GPANK1: variants seen among roughly 807,000 people sequenced by gnomAD.
GPANK1 encodes the protein G-patch domain and ankyrin repeats 1.
Under a neutral mutation model 24.0 loss-of-function variants are expected in GPANK1, and 22 were observed. The observed-to-expected ratio is 0.92, with a 90% confidence interval of 0.66 to 1.31. GPANK1 has a LOEUF of 1.31. Ranked by LOEUF, GPANK1 falls within the 50% of genes most tolerant of loss-of-function variation. The pLI is 0.00. For missense variants in GPANK1, 469 were observed against 453.5 expected (o/e 1.03, Z -0.31); for synonymous variants, 174 against 177.4 (o/e 0.98, Z 0.15).
At chr6:31,666,142 G>T, upstream of GPANK1, 6 of 991,214 alleles carry the variant, frequency 6.1e-6, no homozygotes, top group Non-Finnish European at 7.2e-6. Context: ...GCGCTGTAGC[G>T]GTCGCCGCCG....
chr6:31,664,734 C>A, intron 1 of GPANK1, 107 bp downstream of exon 1: 2 of 517,832 alleles, frequency 3.9e-6, no homozygotes, highest in Non-Finnish European at 3.4e-6. Context: ...AATAAAACTC[C>A]ATGAGACTGT....
chr6:31,662,479 G>A lies in GPANK1; in HGVS notation c.858C>T (p.Pro286=). The A allele has an allele frequency of 6.2e-7, 1 of 1,611,768 alleles. No individual in the cohort carries two copies. ...CTTCCTGGTCCCTCTTGAGGACAGT[G>A]GGGATGGGATTGGCACGGCCCTCAC... is the stretch of plus-strand genomic sequence containing the variant. The part of the protein sequence containing the change: ...PRGEGRANPI[P]TVLKRDQEGL... The change falls in exon 3 of 3, where the codon CCC becomes CCT. Residue 286 remains proline, a synonymous_variant. Transcript: ENST00000375896. This position sits in a 1 kb window ranked among gnomAD's most constrained non-coding sequence, Gnocchi z 5.5.
At chr6:31,665,235 C>T (rs1481389750), upstream of GPANK1, 15 of 580,360 alleles carry the variant, frequency 2.6e-5, no homozygotes, top group East Asian at 4.0e-4. Context: ...TTACATAACG[C>T]CCCCACAATG....
At position 31,664,585 on chromosome 6, in the gene GPANK1, G is replaced by A. The variant is rs1801384805; in HGVS notation, c.-99-8C>T. ...AACCACAGCCTCAGAGACCTGCTGG[G>A]ATGAGAAAAAGTAGTCAAAAACACT... On this transcript the variant is annotated splice_polypyrimidine_tract_variant and splice_region_variant and intron_variant, in intron 1 of 2. Coordinates refer to ENST00000375896, the MANE Select transcript of GPANK1 (RefSeq NM_033177.4). 1.2e-6 allele frequency: 1 copy of A among 852,934 alleles called. No individual in the cohort carries two copies. Among genetic ancestry groups the A allele is most frequent in the African/African-American group, 1.7e-5 (1 of 58,780 alleles). The allele number at this position is 852,934 out of a possible 1,614,324, so 52.8% of individuals were successfully genotyped here. A position where few individuals can be genotyped will look rare whatever the true frequency, so the allele number is the denominator to read the frequency against.
At position 31,664,175 on chromosome 6, in the gene GPANK1, C is replaced by T. The variant is rs1337872171; in HGVS notation, c.304G>A (p.Asp102Asn). ...CTCAGTATCCGGTGAGTCATCTTAT[C>T]CTCAGCCTCAAGGGATCTCCCTTGT... is the stretch of plus-strand genomic sequence containing the variant. Reference protein sequence around the residue: ...HGQGRSLEAEDKMTHRILRAA... With the variant: ...HGQGRSLEAENKMTHRILRAA... The change falls in exon 2 of 3, where the codon GAT becomes AAT. Residue 102 changes from aspartate to asparagine, a missense_variant. By Grantham distance (23) the Asp-to-Asn change is conservative (BLOSUM62 1). Transcript: ENST00000375896. The T allele has an allele frequency of 1.2e-6, 2 of 1,614,144 alleles. No homozygotes were observed. The highest frequency in any genetic ancestry group is 1.7e-6 in the Non-Finnish European group (2 of 1,180,040).
upstream of GPANK1, chr6:31,666,035 C>T (rs1801642837): frequency 3.0e-6 from 3 of 998,290 alleles, no homozygotes; most frequent in Non-Finnish European, 3.6e-6. Context: ...CACCGCGGCA[C>T]CTGACCCTTG....
rs755264691 is a variant in GPANK1 at position 31,664,244 on chromosome 6, G to T, written c.235C>A (p.Pro79Thr). The change falls in exon 2 of 3, where the codon CCA (proline) becomes ACA (threonine). Residue 79 changes from proline to threonine, a missense_variant. Transcript: ENST00000375896. The stretch of plus-strand genomic sequence containing the variant: ...CCTTCTGCCACTGCTTCTGCTGCTG[G>T]TGCCTTCATTATTCTTCTTTTCTTT... ...KRKKRRIMKA[P>T]AAEAVAEGAS... The T allele has an allele frequency of 1.2e-6, 2 of 1,613,642 alleles. No homozygotes were observed. The highest frequency in any genetic ancestry group is 2.2e-5 in the South Asian group (2 of 91,078).
Position 31,662,360 on chromosome 6 carries a change from A to C in GPANK1, c.977T>G (p.Val326Gly). 1 of 1,611,788 alleles carries C rather than the reference A, an allele frequency of 6.2e-7. No individual in the cohort carries two copies. The highest frequency in any genetic ancestry group is 8.5e-7 in the Non-Finnish European group (1 of 1,179,348). The part of the protein sequence containing the change: ...AVAGRERPPR[V>G]ATLSWREERR... ...CTCCTCCCTCCAGCTCAGTGTGGCC[A>C]CCCGAGGGGGTCTCTCCCTCCCAGC... Residue 326 changes from valine to glycine, a missense_variant, in exon 3 of 3, where the codon GTG becomes GGG. Physicochemically the swap from Val to Gly is moderately radical, Grantham distance 109. Transcript: ENST00000375896. This position sits in a 1 kb window ranked among gnomAD's most constrained non-coding sequence, Gnocchi z 5.5.
upstream of GPANK1, chr6:31,665,169 A>C (rs994365308): frequency 2.1e-6 from 1 of 483,972 alleles, no homozygotes; most frequent in Non-Finnish European, 3.8e-6. Context: ...AAACGAGCAA[A>C]GCTCCGCGCG....
chr6:31,663,747 G>A (rs1265819365), intron 2 of GPANK1, 106 bp downstream of exon 2: 5 of 1,474,560 alleles, frequency 3.4e-6, no homozygotes, highest in Non-Finnish European at 4.5e-6. Flanking sequence ...CTACACATGA[G>A]GATAAGGAAA....
upstream of GPANK1, chr6:31,665,567 G>T: frequency 2.6e-6 from 3 of 1,158,666 alleles, no homozygotes; most frequent in Non-Finnish European, 3.5e-6. Flanking sequence ...ACGGAGCCAA[G>T]CCGCACCTCT....
In GPANK1 at chr6:31,662,700, G is replaced by A; in HGVS notation, c.637C>T (p.Pro213Ser). 2.5e-6 allele frequency: 4 copies of A among 1,582,876 alleles called. No homozygotes were observed. Among genetic ancestry groups the A allele is most frequent in the African/African-American group, 1.3e-5 (1 of 74,134 alleles). ...CAGTTCTCGCAGTACTGGAGGGAGG[G>A]AGTAGGAGACCTGCAGAGAAAGAAG... ...TRSPENRSPTPSLQYCENCDT... is the reference protein window; with the variant it reads ...TRSPENRSPTSSLQYCENCDT... Residue 213 changes from proline (P) to serine (S), a missense_variant, in exon 3 of 3, where the codon CCC becomes TCC. By Grantham distance (74) the Pro-to-Ser change is moderately conservative. Coordinates refer to ENST00000375896, the MANE Select transcript of GPANK1 (RefSeq NM_033177.4). The surrounding 1 kb of genome is among the most constrained non-coding windows in gnomAD (Gnocchi z 5.5).
Position 31,662,215 on chromosome 6 carries a change from G to A in GPANK1, c.*51C>T. ...AGGGGAAGTCAAAGGGCCCAGGTCA[G>A]AGGCCCAAGTTCAGACTTCAGCAGC... On this transcript the variant is annotated 3_prime_UTR_variant, in exon 3 of 3. Transcript: ENST00000375896. This position sits in a 1 kb window ranked among gnomAD's most constrained non-coding sequence, Gnocchi z 5.5. The A allele has an allele frequency of 7.7e-7, 1 of 1,301,514 alleles. No individual in the cohort carries two copies. The highest frequency in any genetic ancestry group is 1.1e-6 in the Non-Finnish European group (1 of 943,832). The allele number at this position is 1,301,514 out of a possible 1,614,324, so 80.6% of individuals were successfully genotyped here.
At position 31,661,801 on chromosome 6, in the gene GPANK1, A is replaced by AT. The variant is rs1463124854; in HGVS notation, c.*464dup. The AT allele has an allele frequency of 6.1e-6, 1 of 165,022 alleles. No individual in the cohort carries two copies. Among genetic ancestry groups the AT allele is most frequent in the Non-Finnish European group, 1.3e-5 (1 of 77,226 alleles). The allele number at this position is 165,022 out of a possible 1,614,324, so 10.2% of individuals were successfully genotyped here. On this transcript the variant is annotated 3_prime_UTR_variant, in exon 3 of 3. Coordinates refer to ENST00000375896, the MANE Select transcript of GPANK1 (RefSeq NM_033177.4). ...TTTACCTGTATTCTTGGCACATAGT[A>AT]TATGGACTTATGTTTGTGAAATCAG...
At chr6:31,666,219 AGTC>A, upstream of GPANK1, 1 of 989,526 alleles carries the variant, frequency 1.0e-6, no homozygotes, top group Non-Finnish European at 1.2e-6. Flanking sequence ...GTGAGTCTGA[AGTC>A]GTCGCTGCTC....
intron 1 of GPANK1, 127 bp from the exon 2 acceptor site, chr6:31,664,704 T>G: frequency 1.8e-6 from 1 of 559,650 alleles, no homozygotes; most frequent in African/African-American, 1.9e-5. Flanking sequence ...CAATACCGAC[T>G]TTGCTCCTTA....
At position 31,664,535 on chromosome 6, in the gene GPANK1, GC is replaced by G; in HGVS notation, c.-58del. The G allele has an allele frequency of 7.0e-7, 1 of 1,431,276 alleles. No individual in the cohort carries two copies. Among genetic ancestry groups the G allele is most frequent in the Non-Finnish European group, 9.6e-7 (1 of 1,037,714 alleles). The allele number at this position is 1,431,276 out of a possible 1,614,324, so 88.7% of individuals were successfully genotyped here. On this transcript the variant is annotated 5_prime_UTR_variant, in exon 2 of 3. Transcript: ENST00000375896. The stretch of plus-strand genomic sequence containing the variant: ...GGCAAGGGAAGGATGAGACAAGTAA[GC>G]CAAGCTCGTGGTGACCCTGTAGCAA...
Position 31,662,364 on chromosome 6 carries a change from G to A in GPANK1, c.973C>T (p.Arg325Trp), listed in dbSNP as rs776206467. 9.3e-6 allele frequency: 15 copies of A among 1,612,174 alleles called. No homozygotes were observed. Among genetic ancestry groups the A allele is most frequent in the South Asian group, 6.6e-5 (6 of 90,950 alleles). ...TCCCTCCAGCTCAGTGTGGCCACCC[G>A]AGGGGGTCTCTCCCTCCCAGCCACA... is the stretch of plus-strand genomic sequence containing the variant. ...RAVAGRERPPRVATLSWREER... is the reference protein window; with the variant it reads ...RAVAGRERPPWVATLSWREER... Residue 325 changes from arginine (R) to tryptophan (W), a missense_variant, in exon 3 of 3, where the codon CGG becomes TGG. Transcript: ENST00000375896. This position sits in a 1 kb window ranked among gnomAD's most constrained non-coding sequence, Gnocchi z 5.5.
chr6:31,661,965 G>T lies in GPANK1; in HGVS notation c.*301C>A, dbSNP rs1376773911. 5.9e-6 allele frequency: 2 copies of T among 337,826 alleles called. No homozygotes were observed. The highest frequency in any genetic ancestry group is 1.1e-5 in the Non-Finnish European group (2 of 188,008). The allele number at this position is 337,826 out of a possible 1,614,324, so 20.9% of individuals were successfully genotyped here. A position where few individuals can be genotyped will look rare whatever the true frequency, so the allele number is the denominator to read the frequency against. On this transcript the variant is annotated 3_prime_UTR_variant, in exon 3 of 3. Coordinates refer to ENST00000375896, the MANE Select transcript of GPANK1 (RefSeq NM_033177.4). ...TGGGACCTGAAAGTGAACCCAGATT[G>T]GCAGGGAGGTGACCTTATCATGCCA...
Sources: allele counts gnomAD v4.1 joint callset, GRCh38; gene constraint gnomAD v4.1.1; non-coding constraint Gnocchi (gnomAD v3.1); transcripts MANE v1.5; gene names NCBI Gene and HGNC (gene_info 2026-07-23, HGNC 2026-07-21).